NKAIN3: variants seen among roughly 807,000 people sequenced by gnomAD.
NKAIN3 encodes the protein sodium/potassium-transporting ATPase subunit beta-1-interacting protein 3.
In NKAIN3, 25 loss-of-function variants were observed where a neutral mutation model predicts 30.2. That is an observed-to-expected ratio of 0.83 (90% confidence interval 0.60 to 1.16). The LOEUF (loss-of-function observed/expected upper bound fraction) is 1.16. Ranked by LOEUF, NKAIN3 falls within the 50% of genes most tolerant of loss-of-function variation. The probability of loss-of-function intolerance (pLI) is 0.00; values close to 1 mark genes in which losing one functional copy is unlikely to be tolerated. For missense variants in NKAIN3, 225 were observed against 254.1 expected (o/e 0.89, Z 0.78); for synonymous variants, 91 against 89.6 (o/e 1.02, Z -0.09).
At chr8:62,851,452 T>C (rs1819894528) in intron 4 of NKAIN3, among the ~76,000 whole-genome samples, 1 of 152,228 alleles carries the variant, frequency 6.6e-6, no homozygotes, top group Admixed American at 6.5e-5. Context: ...CTTTATTTCC[T>C]TCTCCTGCCT....
intron 1 of NKAIN3, among the ~76,000 whole-genome samples, chr8:62,401,180 C>G (rs767238113): frequency 1.3e-5 from 2 of 151,990 alleles, no homozygotes; most frequent in Non-Finnish European, 2.9e-5. Flanking sequence ...TTCAAATTCA[C>G]TAATTCTTCT....
At chr8:62,652,163 T>C (rs919517105) in intron 3 of NKAIN3, among the ~76,000 whole-genome samples, 1 of 152,082 alleles carries the variant, frequency 6.6e-6, no homozygotes, top group Non-Finnish European at 1.5e-5. Flanking sequence ...CCAAATGCCA[T>C]CATCTTGGGG....
chr8:62,621,236 A>G (rs1811610966), intron 3 of NKAIN3, among the ~76,000 whole-genome samples: 2 of 152,162 alleles, frequency 1.3e-5, no homozygotes, highest in Non-Finnish European at 2.9e-5. Flanking sequence ...CAGGTTTTCA[A>G]TAAATTGCCA....
In NKAIN3 at chr8:62,677,860, T is replaced by C. The variant is rs142486736; in HGVS notation, c.274-69072T>C. ...TACACTTGAAGATGTACCCCTAACA[T>C]TGGGCCTAACTACAAGATAGTATGT... On this transcript the variant is annotated intron_variant, in intron 3 of 6. Coordinates refer to ENST00000623646, the MANE Select transcript of NKAIN3 (RefSeq NM_001304533.3). Among the ~76,000 whole-genome samples the C allele has an allele frequency of 5.3e-3, 802 of 152,304 alleles. 3 individuals carry two copies. Among genetic ancestry groups the C allele is most frequent in the African/African-American group, 0.018 (742 of 41,562 alleles).
chr8:62,507,192 TTGAAACAATCTTGGAAGTTA>T (rs1807670116), intron 1 of NKAIN3, among the ~76,000 whole-genome samples: 2 of 152,164 alleles, frequency 1.3e-5, no homozygotes, highest in African/African-American at 4.8e-5. Flanking sequence ...CTATACAAAA[TTGAAACAATCTTGGAAGTTA>T]TGAGTACAAC....
intron 5 of NKAIN3, among the ~76,000 whole-genome samples, chr8:62,941,539 A>G (rs945025187): frequency 2.0e-5 from 3 of 152,224 alleles, no homozygotes; most frequent in Admixed American, 2.0e-4. Context: ...ATCCAATAGC[A>G]TATTAAAAAG....
intron 3 of NKAIN3, among the ~76,000 whole-genome samples, chr8:62,635,836 C>A (rs769308997): frequency 1.3e-5 from 2 of 152,130 alleles, no homozygotes; most frequent in Non-Finnish European, 2.9e-5. Context: ...AAATGGACTA[C>A]GACAGAAAGT....
At chr8:62,856,999 G>T in intron 4 of NKAIN3, 1 of 521,532 alleles carries the variant, frequency 1.9e-6, no homozygotes. Context: ...AATACTTATA[G>T]TCTCCACTTG....
At chr8:62,918,330 G>T in intron 4 of NKAIN3, 123 bp from the exon 5 acceptor site, 1 of 720,050 alleles carries the variant, frequency 1.4e-6, no homozygotes, top group Non-Finnish European at 2.4e-6. Flanking sequence ...TTTTAAAAGA[G>T]TTTTTCCACT....
intron 4 of NKAIN3, among the ~76,000 whole-genome samples, chr8:62,787,599 T>C (rs1817563892): frequency 6.6e-6 from 1 of 152,208 alleles, no homozygotes; most frequent in South Asian, 2.1e-4. Context: ...TACATATGTA[T>C]ACATGTGCCA....
intron 5 of NKAIN3, among the ~76,000 whole-genome samples, chr8:62,952,025 CCT>C (rs1429127987): frequency 6.6e-6 from 1 of 151,926 alleles, no homozygotes; most frequent in Non-Finnish European, 1.5e-5. Context: ...GTCTCAAACC[CCT>C]GACTTCAAAT....
rs190215069 is a variant in NKAIN3 at position 62,975,051 on chromosome 8, C to T, written c.*9644C>T. 6.6e-6 allele frequency among the ~76,000 whole-genome samples: 1 copy of T among 152,064 alleles called. No homozygotes were observed. The highest frequency in any genetic ancestry group is 1.5e-5 in the Non-Finnish European group (1 of 67,996). ...GGGTAAGCTTTTTAATGTACTGCTG[C>T]ATTTCTTTTGCCAGTGTTTCATTGG... On this transcript the variant is annotated 3_prime_UTR_variant, in exon 7 of 7. Transcript: ENST00000623646.
chr8:62,282,207 A>T (rs896641494), intron 1 of NKAIN3, among the ~76,000 whole-genome samples: 10 of 152,116 alleles, frequency 6.6e-5, no homozygotes, highest in African/African-American at 2.4e-4. Context: ...ATTGGAGCTG[A>T]CAAGTCTTGA....
At chr8:62,289,498 G>A (rs1187265074) in intron 1 of NKAIN3, among the ~76,000 whole-genome samples, 2 of 152,118 alleles carry the variant, frequency 1.3e-5, no homozygotes, top group East Asian at 3.8e-4. Context: ...ATTAAATAGG[G>A]AATCCTTTAC....
intron 1 of NKAIN3, among the ~76,000 whole-genome samples, chr8:62,430,511 C>T (rs1468401706): frequency 8.6e-5 from 13 of 151,322 alleles, no homozygotes; most frequent in South Asian, 4.2e-4. Context: ...TTTGATGAAC[C>T]GCAATACTGT....
chr8:62,357,348 G>A (rs1023303135), intron 1 of NKAIN3, among the ~76,000 whole-genome samples: 4 of 150,048 alleles, frequency 2.7e-5, no homozygotes, highest in African/African-American at 7.4e-5. Context: ...GAGCCCAAGA[G>A]TTTGAGGCTA....
At chr8:62,699,475 G>T (rs1450501378) in intron 3 of NKAIN3, among the ~76,000 whole-genome samples, 1 of 152,140 alleles carries the variant, frequency 6.6e-6, no homozygotes, top group African/African-American at 2.4e-5. Context: ...TTACATGATT[G>T]CTTCTGTAGC....
chr8:62,370,031 GT>G (rs1457465809), intron 1 of NKAIN3, among the ~76,000 whole-genome samples: 2 of 151,990 alleles, frequency 1.3e-5, no homozygotes, highest in Non-Finnish European at 2.9e-5. Flanking sequence ...TTGCCTAACA[GT>G]TCCTTAGTGT....
chr8:62,523,137 T>C (rs1808206551), intron 1 of NKAIN3, among the ~76,000 whole-genome samples: 1 of 152,178 alleles, frequency 6.6e-6, no homozygotes, highest in Admixed American at 6.5e-5. Flanking sequence ...GTTCCTTTTC[T>C]GTTTATATAC....
Sources: gnomAD v4.1 joint callset for allele counts (sites outside exome capture counted in the v4.1 genomes callset) on GRCh38, gnomAD v4.1.1 for gene constraint, MANE v1.5 for transcripts, NCBI Gene and HGNC (gene_info 2026-07-23, HGNC 2026-07-21) for gene names.